The following FAM135A variants were observed in gnomAD, a reference collection of about 807,000 sequenced individuals.
FAM135A encodes protein FAM135A.
In FAM135A, 79 loss-of-function variants were observed where a neutral mutation model predicts 146.8. The ratio of observed to expected loss-of-function variants is 0.54; its 90% CI spans 0.45 to 0.65. The LOEUF is 0.65. FAM135A is among the 30% of genes least tolerant of loss of function. FAM135A has a pLI of 0.00. For synonymous variants in FAM135A, 562 were observed against 603.6 expected (o/e 0.93, Z 1.01); for missense variants, 1,623 against 1,758.2 (o/e 0.92, Z 1.38).
chr6:70,426,349 TAGTA>T (rs1029067529), intron 2 of FAM135A, 86 bp from the exon 3 acceptor site: 7 of 152,144 alleles, frequency 4.6e-5, no homozygotes, highest in Non-Finnish European at 1.0e-4. Context: ...AAATTGAAAA[TAGTA>T]AGTAACTAAC....
intron 9 of FAM135A, 92 bp from the exon 10 acceptor site, chr6:70,481,909 A>T: frequency 8.1e-7 from 1 of 1,230,592 alleles, no homozygotes; most frequent in Non-Finnish European, 1.1e-6. Context: ...TAGTTGACAG[A>T]TGGTTAAGTA....
At chr6:70,511,101 G>T (rs144006402) in intron 12 of FAM135A, among the ~76,000 whole-genome samples, 189 of 151,914 alleles carry the variant, frequency 1.2e-3, no homozygotes, top group African/African-American at 4.2e-3. Context: ...TGTGTATTCA[G>T]GTCCTTTCCC....
intron 5 of FAM135A, among the ~76,000 whole-genome samples, chr6:70,470,389 C>A (rs547645091): frequency 6.6e-6 from 1 of 152,232 alleles, no homozygotes; most frequent in Admixed American, 6.5e-5. Flanking sequence ...GAGTTTCACC[C>A]TGTTGCCCAA....
intron 12 of FAM135A, among the ~76,000 whole-genome samples, chr6:70,505,462 A>G (rs540164631): frequency 4.6e-4 from 70 of 152,030 alleles, no homozygotes; most frequent in Non-Finnish European, 8.8e-4. Flanking sequence ...TTTGTGAACT[A>G]TTCTTCAGTT....
At chr6:70,557,492 G>C (rs199521805) in intron 21 of FAM135A, 4 of 152,156 alleles carry the variant, frequency 2.6e-5, no homozygotes, top group East Asian at 1.9e-4. Flanking sequence ...TCAGGAGTTC[G>C]AGACCAGCCT....
At chr6:70,455,686 G>T (rs1778206047) in intron 5 of FAM135A, among the ~76,000 whole-genome samples, 1 of 152,084 alleles carries the variant, frequency 6.6e-6, no homozygotes, top group African/African-American at 2.4e-5. Context: ...GTTGCCAGTT[G>T]AGAAAATCCT....
At chr6:70,446,859 A>G (rs1245278201) in intron 4 of FAM135A, among the ~76,000 whole-genome samples, 2 of 152,156 alleles carry the variant, frequency 1.3e-5, no homozygotes, top group Non-Finnish European at 2.9e-5. Context: ...GGACATACCC[A>G]TTTCATGCAT....
intron 15 of FAM135A, 78 bp downstream of exon 15, chr6:70,526,776 C>T (rs1429438105): frequency 1.2e-4 from 79 of 655,002 alleles, no homozygotes; most frequent in Middle Eastern, 8.0e-4. Context: ...TACACACACA[C>T]ACACACACAC....
At chr6:70,427,533 CAAA>C (rs55796657) in intron 3 of FAM135A, among the ~76,000 whole-genome samples, 3 of 85,514 alleles carry the variant, frequency 3.5e-5, no homozygotes, top group Non-Finnish European at 5.4e-5. Context: ...CTCTGTCTCA[CAAA>C]AAAAAAAAAA....
At chr6:70,473,400 CACAT>C (rs1428946272) in intron 5 of FAM135A, among the ~76,000 whole-genome samples, 25 of 152,078 alleles carry the variant, frequency 1.6e-4, no homozygotes, top group African/African-American at 6.0e-4. Flanking sequence ...CATACACTTA[CACAT>C]ACATATGCAA....
At chr6:70,417,889 A>G (rs914264245) in intron 2 of FAM135A, among the ~76,000 whole-genome samples, 1 of 152,244 alleles carries the variant, frequency 6.6e-6, no homozygotes, top group African/African-American at 2.4e-5. Flanking sequence ...TATATTTGGT[A>G]TCATCAACAG....
chr6:70,464,297 T>C (rs1216526275), intron 5 of FAM135A, among the ~76,000 whole-genome samples: 1 of 152,220 alleles, frequency 6.6e-6, no homozygotes, highest in Non-Finnish European at 1.5e-5. Flanking sequence ...AGATAACTGA[T>C]AGGCAAAATA....
intron 10 of FAM135A, 77 bp from the exon 11 acceptor site, chr6:70,490,957 G>C (rs1785778080): frequency 1.8e-6 from 2 of 1,100,814 alleles, no homozygotes; most frequent in African/African-American, 1.6e-5. Flanking sequence ...TTAATTTTCA[G>C]TTTTTTATGG....
intron 4 of FAM135A, among the ~76,000 whole-genome samples, chr6:70,451,604 G>A (rs753125724): frequency 9.9e-5 from 15 of 151,912 alleles, no homozygotes; most frequent in Non-Finnish European, 1.6e-4. Flanking sequence ...TACTCTTTGC[G>A]ATCTGATGCT....
chr6:70,472,861 G>C (rs749415935), intron 5 of FAM135A, among the ~76,000 whole-genome samples: 5 of 152,140 alleles, frequency 3.3e-5, no homozygotes, highest in Admixed American at 1.3e-4. Flanking sequence ...AGTGATGCTT[G>C]TTCTTCTTGT....
intron 5 of FAM135A, among the ~76,000 whole-genome samples, chr6:70,455,059 C>T (rs1029850278): frequency 6.6e-6 from 1 of 152,056 alleles, no homozygotes; most frequent in Non-Finnish European, 1.5e-5. Flanking sequence ...TTCCTATCCA[C>T]GAGCATGGAA....
chr6:70,454,787 G>GCCATGCTGTTTTGGTACCAGTA (rs1048618115), intron 5 of FAM135A, among the ~76,000 whole-genome samples: 2 of 151,958 alleles, frequency 1.3e-5, no homozygotes, highest in African/African-American at 2.4e-5. Flanking sequence ...TGGTACCAGT[G>GCCATGCTGTTTTGGTACCAGTA]CCATGCTGTT....
At chr6:70,502,052 A>G (rs1788677760) in intron 11 of FAM135A, among the ~76,000 whole-genome samples, 2 of 152,206 alleles carry the variant, frequency 1.3e-5, no homozygotes, top group Non-Finnish European at 2.9e-5. Flanking sequence ...TGTTCAATAA[A>G]TAGCAAGTGA....
chr6:70,444,842 G>C (rs2127981838), intron 4 of FAM135A, among the ~76,000 whole-genome samples: 1 of 152,238 alleles, frequency 6.6e-6, no homozygotes, highest in East Asian at 1.9e-4. Context: ...TAAATGTGGA[G>C]ATTAAAAAAT....
Sources: allele counts gnomAD v4.1 joint callset (sites outside exome capture counted in the v4.1 genomes callset), GRCh38; gene constraint gnomAD v4.1.1; transcripts MANE v1.5; gene names NCBI Gene and HGNC (gene_info 2026-07-23, HGNC 2026-07-21).